The following ARB2A variants were observed in gnomAD, a reference collection of about 807,000 sequenced individuals.
The protein encoded by ARB2A is ARB2 cotranscriptional regulator A.
chr5:93,619,868 C>T, the ARB2A span: 5 of 152,128 alleles, frequency 3.3e-5, no homozygotes, highest in Non-Finnish European at 5.9e-5. Context: ...CACACCAAGT[C>T]CTTCTCTTCT....
At chr5:93,819,280 T>C in the ARB2A span, among the ~76,000 whole-genome samples, 1 of 152,186 alleles carries the variant, frequency 6.6e-6, no homozygotes, top group East Asian at 1.9e-4. Flanking sequence ...ATATACATTA[T>C]TTTCAAACTT....
chr5:93,904,610 G>C, the ARB2A span, among the ~76,000 whole-genome samples: 1 of 151,738 alleles, frequency 6.6e-6, no homozygotes, highest in African/African-American at 2.4e-5. Flanking sequence ...ATCATGTATA[G>C]TGTGGACATT....
the ARB2A span, among the ~76,000 whole-genome samples, chr5:94,095,935 T>TA: frequency 6.6e-6 from 1 of 152,192 alleles, no homozygotes; most frequent in Non-Finnish European, 1.5e-5. Context: ...ACCAGAGTCT[T>TA]ATCCCCGTTC....
the ARB2A span, among the ~76,000 whole-genome samples, chr5:93,925,901 C>T: frequency 6.6e-6 from 1 of 152,092 alleles, no homozygotes; most frequent in Admixed American, 6.6e-5. Flanking sequence ...TTCTCATTTC[C>T]CAGGTATCTT....
At chr5:94,064,891 A>G in the ARB2A span, among the ~76,000 whole-genome samples, 41 of 152,358 alleles carry the variant, frequency 2.7e-4, no homozygotes, top group African/African-American at 8.9e-4. Flanking sequence ...GTAAAGGCAC[A>G]ACAGAATAAA....
At chr5:94,014,914 C>T in the ARB2A span, among the ~76,000 whole-genome samples, 40 of 149,088 alleles carry the variant, frequency 2.7e-4, no homozygotes, top group Middle Eastern at 3.4e-3. Context: ...ACTCAAAAGA[C>T]CAAATCTAAG....
At chr5:94,098,855 C>T in the ARB2A span, among the ~76,000 whole-genome samples, 53 of 152,122 alleles carry the variant, frequency 3.5e-4, no homozygotes, top group African/African-American at 1.2e-3. Flanking sequence ...AACACCTCTA[C>T]GCAAACAAAC....
the ARB2A span, among the ~76,000 whole-genome samples, chr5:93,731,395 A>T: frequency 6.6e-6 from 1 of 152,188 alleles, no homozygotes; most frequent in Non-Finnish European, 1.5e-5. Flanking sequence ...AACCTGGGCC[A>T]GATCCTTCCC....
At chr5:93,724,745 T>C in the ARB2A span, among the ~76,000 whole-genome samples, 2 of 152,176 alleles carry the variant, frequency 1.3e-5, no homozygotes, top group African/African-American at 4.8e-5. Flanking sequence ...TGTTTTGTTT[T>C]ATGCATACAT....
chr5:94,033,733 T>C, the ARB2A span, among the ~76,000 whole-genome samples: 5 of 152,132 alleles, frequency 3.3e-5, no homozygotes, highest in South Asian at 4.1e-4. Context: ...CCAAAATGAA[T>C]GTATTTTGCA....
the ARB2A span, chr5:93,805,861 C>T: frequency 1.0e-4 from 100 of 984,970 alleles, no homozygotes; most frequent in Non-Finnish European, 1.2e-4. Context: ...AATGGTTCTT[C>T]CACATAGCTA....
the ARB2A span, among the ~76,000 whole-genome samples, chr5:93,920,498 T>C: frequency 6.6e-6 from 1 of 152,102 alleles, no homozygotes; most frequent in African/African-American, 2.4e-5. Flanking sequence ...TGTGACAATT[T>C]CAGAAAACTT....
the ARB2A span, among the ~76,000 whole-genome samples, chr5:93,857,632 G>A: frequency 1.2e-4 from 18 of 152,140 alleles, no homozygotes; most frequent in African/African-American, 3.4e-4. Context: ...TTTTAAGCCC[G>A]TCGGAAAAGT....
chr5:93,701,216 T>A, the ARB2A span, among the ~76,000 whole-genome samples: 2 of 152,194 alleles, frequency 1.3e-5, no homozygotes, highest in Non-Finnish European at 2.9e-5. Flanking sequence ...TTTTTACTGT[T>A]ATTTTGTAGC....
At chr5:93,837,528 G>C in the ARB2A span, among the ~76,000 whole-genome samples, 8 of 152,060 alleles carry the variant, frequency 5.3e-5, no homozygotes, top group South Asian at 2.1e-4. Context: ...TAGATTGCTG[G>C]GTTGAATGGC....
chr5:94,097,166 G>T, the ARB2A span, among the ~76,000 whole-genome samples: 1 of 152,188 alleles, frequency 6.6e-6, no homozygotes, highest in Non-Finnish European at 1.5e-5. Context: ...GTCAGGCCTG[G>T]ACAGAACAGG....
the ARB2A span, among the ~76,000 whole-genome samples, chr5:93,954,984 C>CA: frequency 1.3e-5 from 2 of 152,052 alleles, no homozygotes; most frequent in Admixed American, 1.3e-4. Context: ...CTCCCTCCCC[C>CA]AAATGCACAG....
At chr5:93,658,103 A>G in the ARB2A span, among the ~76,000 whole-genome samples, 13 of 152,102 alleles carry the variant, frequency 8.5e-5, no homozygotes, top group Non-Finnish European at 1.8e-4. Flanking sequence ...TAATGTTTCT[A>G]GCAGAATAAT....
At chr5:93,652,610 TG>T in the ARB2A span, among the ~76,000 whole-genome samples, 2 of 152,206 alleles carry the variant, frequency 1.3e-5, no homozygotes, top group Non-Finnish European at 2.9e-5. Flanking sequence ...GGTAGTCAGA[TG>T]GTATATAACT....
Sources: allele counts gnomAD v4.1 joint callset (sites outside exome capture counted in the v4.1 genomes callset), GRCh38; gene constraint gnomAD v4.1.1; transcripts MANE v1.5; gene names NCBI Gene and HGNC (gene_info 2026-07-23, HGNC 2026-07-21).